FAM83E: variants seen among roughly 807,000 people sequenced by gnomAD.
FAM83E encodes the protein protein FAM83E.
In FAM83E, 29 loss-of-function variants were observed where a neutral mutation model predicts 34.3. That is an observed-to-expected ratio of 0.85 (90% confidence interval 0.63 to 1.15). The LOEUF (loss-of-function observed/expected upper bound fraction) is 1.15. Among genes scored for constraint, FAM83E ranks in the 50% most tolerant of loss-of-function variants. The probability of loss-of-function intolerance (pLI) is 0.00; values close to 1 mark genes in which losing one functional copy is unlikely to be tolerated. For synonymous variants in FAM83E, 312 were observed against 311.6 expected, an observed-to-expected ratio of 1.00 and a Z score of -0.01; for missense variants, 697 against 685.0, an observed-to-expected ratio of 1.02 and a Z score of -0.20.
At chr19:48,607,312 G>C in intron 5 of FAM83E, 3 of 1,596,884 alleles carry the variant, frequency 1.9e-6, no homozygotes, top group Non-Finnish European at 2.6e-6. Flanking sequence ...CACCAGCCTG[G>C]CACTGGGGCT....
chr19:48,607,746 CT>C (rs34786444), intron 5 of FAM83E: 1,058 of 154,192 alleles, frequency 6.9e-3, no homozygotes, highest in Middle Eastern at 0.014. Context: ...TTTTCTTTTC[CT>C]TTTTTTTTTT....
intron 3 of FAM83E, among the ~76,000 whole-genome samples, chr19:48,612,379 G>A (rs1974055910): frequency 6.6e-6 from 1 of 151,770 alleles, no homozygotes; most frequent in African/African-American, 2.4e-5. Context: ...CCAGGTCTTG[G>A]GGGAGGGTAG....
chr19:48,613,614 G>T lies in FAM83E; in HGVS notation c.-242C>A. On this transcript the variant is annotated 5_prime_UTR_variant, in exon 3 of 7. Coordinates refer to ENST00000263266, the MANE Select transcript of FAM83E (RefSeq NM_017708.4). ...CCAATGTGTCAGGCCACTCAGATCCGCCACCTGCCTGCACCCAGTGGCACC... is the reference window on the plus strand; with the variant it reads ...CCAATGTGTCAGGCCACTCAGATCCTCCACCTGCCTGCACCCAGTGGCACC... 7.3e-7 allele frequency: 1 copy of T among 1,366,458 alleles called. No individual in the cohort carries two copies. The highest frequency in any genetic ancestry group is 9.4e-7 in the Non-Finnish European group (1 of 1,062,674). 84.6% of individuals were successfully genotyped at this position (1,366,458 alleles called of 1,614,324 possible).
chr19:48,612,649 AC>A (rs1236889789), intron 3 of FAM83E, among the ~76,000 whole-genome samples: 2 of 138,746 alleles, frequency 1.4e-5, no homozygotes, highest in Non-Finnish European at 3.1e-5. Flanking sequence ...TGATCCGTCC[AC>A]CTCGGCCTCC....
At chr19:48,607,553 G>A in intron 5 of FAM83E, 4 of 681,312 alleles carry the variant, frequency 5.9e-6, no homozygotes, top group Non-Finnish European at 1.0e-5. Context: ...GGGGAGCACG[G>A]CCCGTGGGTT....
chr19:48,601,401 G>A (rs1973813128), intron 6 of FAM83E, 32 bp from the exon 7 acceptor site: 1 of 1,552,876 alleles, frequency 6.4e-7, no homozygotes, highest in Non-Finnish European at 8.7e-7. Context: ...GGTGAGAGGA[G>A]GCTGGGGTGG....
In FAM83E at chr19:48,603,732, C is replaced by G; in HGVS notation, c.938G>C (p.Arg313Pro). The stretch of plus-strand genomic sequence containing the variant: ...GGCCACGGAGCGGCGGCGGGACACG[C>G]GGTGCGGGCTGCGGCCCCGCTGCAG... ...GGLQRGRSPH[R>P]VSRRRSVAPA... is the part of the protein sequence containing the mutation. The change falls in exon 6 of 7, where the codon CGC (arginine) becomes CCC (proline). Residue 313 changes from arginine (R) to proline (P), a missense_variant. Transcript: ENST00000263266. 1 of 1,490,100 alleles carries G rather than the reference C, an allele frequency of 6.7e-7. No homozygotes were observed. Among genetic ancestry groups the G allele is most frequent in the Non-Finnish European group, 8.9e-7 (1 of 1,129,258 alleles). 92.3% of individuals were successfully genotyped at this position (1,490,100 alleles called of 1,614,324 possible).
At position 48,612,757 on chromosome 19, in the gene FAM83E, T is replaced by C. The variant is rs140743325; in HGVS notation, c.465+151A>G. On this transcript the variant is annotated intron_variant, in intron 3 of 6. Coordinates refer to ENST00000263266, the MANE Select transcript of FAM83E (RefSeq NM_017708.4). ...TCTGGGGTTGTAGGCACCTGAGTCC[T>C]GGGGCTGGAAGGTGTGCACTCCTGG... The C allele has an allele frequency of 2.5e-3, 2,311 of 918,024 alleles. 47 individuals carry two copies. In the African/African-American group the frequency reaches 0.034, roughly 13 times the overall value. 56.9% of individuals were successfully genotyped at this position (918,024 alleles called of 1,614,324 possible). A position where few individuals can be genotyped will look rare whatever the true frequency, so the allele number is the denominator to read the frequency against.
rs371217045 is a variant in FAM83E, at chr19:48,612,966, C to T, written c.407G>A (p.Gly136Glu). Reference protein sequence around the residue: ...TRAQLYTQPPGEGQPPLKELV... With the variant: ...TRAQLYTQPPEEGQPPLKELV... ...CTCCTTGAGGGGCGGCTGACCCTCT[C>T]CAGGAGGCTGGGTGTACAGCTGCGC... is the stretch of plus-strand genomic sequence containing the variant. The change falls in exon 3 of 7, where the codon GGA (glycine) becomes GAA (glutamate). Residue 136 changes from glycine to glutamate, a missense_variant. Transcript: ENST00000263266. 204 of 1,599,860 alleles carry T rather than the reference C, an allele frequency of 1.3e-4. No homozygotes were observed. The highest frequency in any genetic ancestry group is 1.7e-4 in the Non-Finnish European group (202 of 1,174,134).
chr19:48,605,019 C>CAA (rs72014229), intron 5 of FAM83E, among the ~76,000 whole-genome samples: 2,246 of 75,020 alleles, frequency 0.03, 162 homozygotes, highest in African/African-American at 0.096. Context: ...GACTCTGACT[C>CAA]AAAAAAAAAA....
chr19:48,604,688 T>C (rs1468657349), intron 5 of FAM83E, among the ~76,000 whole-genome samples: 1 of 146,614 alleles, frequency 6.8e-6, no homozygotes, highest in African/African-American at 2.5e-5. Context: ...CATTCCAGCC[T>C]GGGCAGCAAA....
In FAM83E at chr19:48,600,536, G is replaced by A. The variant is rs1201763750; in HGVS notation, c.*573C>T. 6.6e-6 allele frequency among the ~76,000 whole-genome samples: 1 copy of A among 151,884 alleles called. No individual in the cohort carries two copies. The highest frequency in any genetic ancestry group is 1.5e-5 in the Non-Finnish European group (1 of 68,010). On this transcript the variant is annotated 3_prime_UTR_variant, in exon 7 of 7. Transcript: ENST00000263266. ...TTTGGTAGAGATGGGGTTTCACCATGTTGGTCAGGTTGGTCTTGAACTCCT... is the reference window on the plus strand; with the variant it reads ...TTTGGTAGAGATGGGGTTTCACCATATTGGTCAGGTTGGTCTTGAACTCCT...
rs1377208490 is a variant in FAM83E, at chr19:48,603,497, G to T, written c.1173C>A (p.Asn391Lys). ...SQLSGSSDGDNELKKSWGSKD... is the reference protein window; with the variant it reads ...SQLSGSSDGDKELKKSWGSKD... ...GGCACCAGCCACAAGGTCTCACCTC[G>T]TTGTCCCCATCACTGGAGCCAGACA... Residue 391 changes from asparagine to lysine, a missense_variant, in exon 6 of 7, where the codon AAC becomes AAA. Coordinates refer to ENST00000263266, the MANE Select transcript of FAM83E (RefSeq NM_017708.4). 3 of 1,564,344 alleles carry T rather than the reference G, an allele frequency of 1.9e-6. No individual in the cohort carries two copies. Among genetic ancestry groups the T allele is most frequent in the Non-Finnish European group, 2.6e-6 (3 of 1,163,878 alleles).
At chr19:48,603,361 T>G in intron 6 of FAM83E, 133 bp downstream of exon 6, 1 of 806,790 alleles carries the variant, frequency 1.2e-6, no homozygotes, top group Non-Finnish European at 1.7e-6. Context: ...CATTATGAAT[T>G]TAGGGGTGCA....
chr19:48,613,170 G>C lies in FAM83E; in HGVS notation c.203C>G (p.Ala68Gly), dbSNP rs200283126. The change falls in exon 3 of 7, where the codon GCA (alanine) becomes GGA (glycine). Residue 68 changes from alanine (A) to glycine (G), a missense_variant. Ala to Gly is a moderately conservative substitution (Grantham distance 60). Transcript: ENST00000263266. ...CACTGTCCAGTCTTCAGCTGCCGCT[G>C]CCAAGCCCTGAACCTCATCCGCACT... ...FLSADEVQGL[A>G]AAAEDWTVAK... 12 of 1,612,136 alleles carry C rather than the reference G, an allele frequency of 7.4e-6. No individual in the cohort carries two copies. Among genetic ancestry groups the C allele is most frequent in the Non-Finnish European group, 1.0e-5 (12 of 1,179,920 alleles).
At position 48,601,298 on chromosome 19, in the gene FAM83E, G is replaced by T. The variant is rs1472397774; in HGVS notation, c.1248C>A (p.Gly416=). Residue 416 remains glycine (G), a synonymous_variant, in exon 7 of 7, where the codon GGC becomes GGA. Coordinates refer to ENST00000263266, the MANE Select transcript of FAM83E (RefSeq NM_017708.4). ...GTCGGGAGTCCACTTCCCCCCAGGG[G>T]CCTCCTCCAGTGCCCCGCTGCCTCA... ...ALMRQRGTGG[G]PWGEVDSRPP... is the part of the protein sequence containing the mutation. 4 of 1,575,532 alleles carry T rather than the reference G, an allele frequency of 2.5e-6. No homozygotes were observed. Among genetic ancestry groups the T allele is most frequent in the Non-Finnish European group, 3.4e-6 (4 of 1,160,094 alleles).
intron 3 of FAM83E, among the ~76,000 whole-genome samples, chr19:48,612,557 C>T (rs1272623519): frequency 2.6e-5 from 4 of 152,062 alleles, no homozygotes; most frequent in African/African-American, 7.2e-5. Flanking sequence ...GGCGCCCACA[C>T]CATGCCCGGC....
chr19:48,608,437 CT>C (rs556049341), intron 5 of FAM83E, among the ~76,000 whole-genome samples: 23,898 of 129,604 alleles, frequency 0.18, 2,003 homozygotes, highest in East Asian at 0.31. Context: ...TTTTCTTTTC[CT>C]TTTTTTTTTT....
In FAM83E at chr19:48,615,033, T is replaced by C. The variant is rs552862855; in HGVS notation, c.-1484A>G. 3.9e-5 allele frequency among the ~76,000 whole-genome samples: 6 copies of C among 152,074 alleles called. No homozygotes were observed. The highest frequency in any genetic ancestry group is 1.2e-4 in the African/African-American group (5 of 41,422). ...CACCTGTTCCCAGGCAGTCTCTCCC[T>C]CCCCACAGCCCTGCCAGCCTGCACC... On this transcript the variant is annotated 5_prime_UTR_variant, in exon 1 of 7. Transcript: ENST00000263266.
Sources: gnomAD v4.1 joint callset for allele counts (sites outside exome capture counted in the v4.1 genomes callset) on GRCh38, gnomAD v4.1.1 for gene constraint, MANE v1.5 for transcripts, NCBI Gene and HGNC (gene_info 2026-07-23, HGNC 2026-07-21) for gene names.